Variants in CNOT4 observed in about 807,000 individuals in gnomAD.
CNOT4 encodes the protein CCR4-associated factor 4.
A neutral mutation model predicts 73.8 loss-of-function variants in CNOT4; 8 were observed. The observed-to-expected ratio is 0.11, with a 90% CI of 0.06 to 0.20. The LOEUF is 0.20. Ranked by LOEUF, CNOT4 falls within the 10% of genes least tolerant of loss-of-function variation. The pLI is 1.00. For missense variants in CNOT4, 564 were observed against 883.4 expected (o/e 0.64, Z 4.58); for synonymous variants, 293 against 321.1 (o/e 0.91, Z 0.94).
At chr7:135,484,428 C>A (rs1389827286) in intron 1 of CNOT4, among the ~76,000 whole-genome samples, 2 of 151,886 alleles carry the variant, frequency 1.3e-5, no homozygotes, top group East Asian at 3.9e-4. Context: ...AAAATCCCCC[C>A]AAAATAATTA....
intron 2 of CNOT4, among the ~76,000 whole-genome samples, chr7:135,428,874 C>A (rs1289764045): frequency 6.6e-6 from 1 of 152,158 alleles, no homozygotes; most frequent in Admixed American, 6.5e-5. Flanking sequence ...TTTTAAAATA[C>A]ACAAGGGAGA....
At chr7:135,508,114 C>G (rs1804493833) in intron 1 of CNOT4, among the ~76,000 whole-genome samples, 1 of 152,176 alleles carries the variant, frequency 6.6e-6, no homozygotes, top group South Asian at 2.1e-4. Flanking sequence ...CAGTAATGGA[C>G]TGCCACATGA....
chr7:135,402,991 G>A (rs1484453375), intron 7 of CNOT4, among the ~76,000 whole-genome samples: 1 of 151,444 alleles, frequency 6.6e-6, no homozygotes, highest in Non-Finnish European at 1.5e-5. Context: ...GGATGGGGGT[G>A]GACTAAAAAA....
intron 7 of CNOT4, among the ~76,000 whole-genome samples, chr7:135,401,356 CCATGA>C (rs1796990958): frequency 6.6e-6 from 1 of 152,148 alleles, no homozygotes; most frequent in South Asian, 2.1e-4. Flanking sequence ...AGAGAGTATT[CCATGA>C]CATGGACTAT....
intron 2 of CNOT4, among the ~76,000 whole-genome samples, chr7:135,431,973 T>A (rs577650626): frequency 1.3e-5 from 2 of 152,276 alleles, no homozygotes; most frequent in Admixed American, 1.3e-4. Context: ...TCCATCAAAA[T>A]CCCAGTAGGC....
chr7:135,478,760 T>C (rs1802161278), intron 1 of CNOT4, among the ~76,000 whole-genome samples: 1 of 152,122 alleles, frequency 6.6e-6, no homozygotes, highest in African/African-American at 2.4e-5. Flanking sequence ...TCAAAATCTA[T>C]TATGATCATC....
chr7:135,477,112 TG>T (rs1802043809), intron 1 of CNOT4, among the ~76,000 whole-genome samples: 1 of 152,066 alleles, frequency 6.6e-6, no homozygotes, highest in African/African-American at 2.4e-5. Context: ...GACGCTGAGG[TG>T]GGCAGATCAC....
rs1474843756 is a variant in CNOT4 at position 135,509,876 on chromosome 7, C to T, written c.-93+13G>A. 4 of 394,892 alleles carry T rather than the reference C, an allele frequency of 1.0e-5. No individual in the cohort carries two copies. The highest frequency in any genetic ancestry group is 1.8e-5 in the Non-Finnish European group (4 of 224,150). 24.5% of individuals were successfully genotyped at this position (394,892 alleles called of 1,614,324 possible). On this transcript the variant is annotated intron_variant, in intron 1 of 11. Transcript: ENST00000541284. ...CCCGGGTTTCCCCTAAGCCCAGCCC[C>T]GCATAGACTCACCCGCCTGCCTTGC...
intron 7 of CNOT4, among the ~76,000 whole-genome samples, chr7:135,408,890 T>C (rs1177805929): frequency 6.6e-6 from 1 of 152,200 alleles, no homozygotes; most frequent in Admixed American, 6.5e-5. Flanking sequence ...TCACTTTCAA[T>C]GAAAAGCTCT....
intron 10 of CNOT4, among the ~76,000 whole-genome samples, chr7:135,372,720 C>T (rs999548537): frequency 6.6e-6 from 1 of 152,148 alleles, no homozygotes; most frequent in Non-Finnish European, 1.5e-5. Context: ...TCACACCCGG[C>T]TAATTTTTGT....
intron 10 of CNOT4, among the ~76,000 whole-genome samples, chr7:135,389,454 C>T (rs958619872): frequency 1.3e-5 from 2 of 151,848 alleles, no homozygotes; most frequent in Non-Finnish European, 2.9e-5. Context: ...AAAATGTTAA[C>T]AGTACAATGA....
rs779390112 is a variant in CNOT4 at position 135,363,161 on chromosome 7, A to G, written c.1866T>C (p.Ser622=). The change falls in exon 12 of 12, where the codon AGT becomes AGC. Residue 622 remains serine, a synonymous_variant. Transcript: ENST00000541284. This position sits in a 1 kb window ranked among gnomAD's most constrained non-coding sequence, Gnocchi z 4.3. ...GATTGTCATCTTGAAGAGAGTCTAA[A>G]CTGTTTCCTGAAGACGCTGGAATAC... ...ITGIPASSGN[S]LDSLQDDNPP... 4 of 1,613,564 alleles carry G rather than the reference A, an allele frequency of 2.5e-6. No individual in the cohort carries two copies. The Admixed American group carries it at 6.7e-5, about 27-fold the overall frequency.
At chr7:135,412,502 TAAGTC>T (rs1797641948) in intron 6 of CNOT4, among the ~76,000 whole-genome samples, 2 of 151,926 alleles carry the variant, frequency 1.3e-5, no homozygotes, top group Admixed American at 1.3e-4. Context: ...AGAAATCAGT[TAAGTC>T]ATCTGTCCTT....
chr7:135,431,656 T>A (rs969002379), intron 2 of CNOT4, among the ~76,000 whole-genome samples: 2 of 151,474 alleles, frequency 1.3e-5, no homozygotes, highest in Non-Finnish European at 2.9e-5. Flanking sequence ...GGCAGGAGAA[T>A]CACTTGAACC....
At chr7:135,388,251 A>AT in intron 10 of CNOT4, 1 of 985,194 alleles carries the variant, frequency 1.0e-6, no homozygotes, top group African/African-American at 1.7e-5. Context: ...TGTAATGCAT[A>AT]TTATAGGATA....
intron 2 of CNOT4, among the ~76,000 whole-genome samples, chr7:135,427,369 T>C (rs1210865030): frequency 6.6e-6 from 1 of 152,178 alleles, no homozygotes; most frequent in Non-Finnish European, 1.5e-5. Context: ...ACTCACTCCC[T>C]TCCACTGTCC....
chr7:135,497,319 G>C (rs550991330), intron 1 of CNOT4, among the ~76,000 whole-genome samples: 37 of 152,106 alleles, frequency 2.4e-4, no homozygotes, highest in Non-Finnish European at 5.0e-4. Context: ...TAAGGTAGGA[G>C]AATTGCTTGA....
intron 7 of CNOT4, among the ~76,000 whole-genome samples, chr7:135,398,724 A>C (rs1052179925): frequency 1.3e-5 from 2 of 152,074 alleles, no homozygotes; most frequent in African/African-American, 4.8e-5. Context: ...GGGGGAAAAA[A>C]GGCACTGCTT....
At chr7:135,481,452 T>C (rs545814924) in intron 1 of CNOT4, among the ~76,000 whole-genome samples, 37 of 152,312 alleles carry the variant, frequency 2.4e-4, no homozygotes, top group Non-Finnish European at 2.5e-4. Context: ...TAACAGATGC[T>C]GGCAAGCATG....
Sources: allele counts gnomAD v4.1 joint callset (sites outside exome capture counted in the v4.1 genomes callset), GRCh38; gene constraint gnomAD v4.1.1; non-coding constraint Gnocchi (gnomAD v3.1); transcripts MANE v1.5; gene names NCBI Gene and HGNC (gene_info 2026-07-23, HGNC 2026-07-21).